CC2D2A: variants seen among roughly 807,000 people sequenced by gnomAD.
CC2D2A encodes the protein coiled-coil and C2 domain containing 2A.
In CC2D2A, 155 loss-of-function variants were observed where a neutral mutation model predicts 212.9. The ratio of observed to expected loss-of-function variants is 0.73; its 90% CI spans 0.64 to 0.83. The LOEUF (loss-of-function observed/expected upper bound fraction) is 0.83, where lower values mean the gene tolerates loss of function less well. Among genes scored for constraint, CC2D2A ranks in the 40% least tolerant of loss-of-function variants. The pLI is 0.00. For synonymous variants in CC2D2A, 667 were observed against 686.5 expected, an observed-to-expected ratio of 0.97 and a Z score of 0.44; for missense variants, 1,856 against 1,956.2, an observed-to-expected ratio of 0.95 and a Z score of 0.97.
At chr4:15,565,409 T>C (rs1719838278) in intron 24 of CC2D2A, among the ~76,000 whole-genome samples, 1 of 151,760 alleles carries the variant, frequency 6.6e-6, no homozygotes, top group South Asian at 2.1e-4. Flanking sequence ...GTTTTTTTTT[T>C]TTTTTGCCTC....
intron 5 of CC2D2A, 130 bp downstream of exon 5, chr4:15,502,647 T>A: frequency 2.9e-6 from 3 of 1,022,458 alleles, no homozygotes; most frequent in South Asian, 3.3e-5. Context: ...GTTTTAAATG[T>A]TAATGTCTTA....
In CC2D2A at chr4:15,500,051, A is replaced by T. The variant is rs1715834777; in HGVS notation, c.248-2378A>T. On this transcript the variant is annotated intron_variant, in intron 4 of 36. Transcript: ENST00000424120. The stretch of plus-strand genomic sequence containing the variant: ...TGTGTCATTATTATGGGACCATGAT[A>T]AAGTGTACTTACACAAACCTAGATT... 2.7e-5 allele frequency among the ~76,000 whole-genome samples: 4 copies of T among 150,608 alleles called. No individual in the cohort carries two copies. In the South Asian group the frequency reaches 8.4e-4, roughly 32 times the overall value.
intron 4 of CC2D2A, among the ~76,000 whole-genome samples, chr4:15,500,101 G>GTATATATATATATATA (rs1222191394): frequency 2.7e-4 from 19 of 71,114 alleles, no homozygotes; most frequent in South Asian, 1.0e-3. Flanking sequence ...GTGTGTGTGT[G>GTATATATATATATATA]TGTGTGTATA....
At chr4:15,510,046 AGCCTTTG>A (rs1716478666) in intron 6 of CC2D2A, 86 bp from the exon 7 acceptor site, 1 of 901,692 alleles carries the variant, frequency 1.1e-6, no homozygotes, top group Non-Finnish European at 1.8e-6. Flanking sequence ...TCAGAAGATA[AGCCTTTG>A]GGATGGGGGG....
chr4:15,583,352 G>T (rs927525203), intron 30 of CC2D2A, among the ~76,000 whole-genome samples: 2 of 152,128 alleles, frequency 1.3e-5, no homozygotes, highest in East Asian at 3.8e-4. Flanking sequence ...TGAGGCAAAA[G>T]AAATAAATAA....
chr4:15,597,886 G>A (rs1051307909), intron 35 of CC2D2A, among the ~76,000 whole-genome samples: 3 of 152,162 alleles, frequency 2.0e-5, no homozygotes, highest in Non-Finnish European at 4.4e-5. Context: ...TGTAAAAATA[G>A]AACTTATTCT....
At chr4:15,545,525 G>A (rs574951398) in intron 17 of CC2D2A, among the ~76,000 whole-genome samples, 27 of 152,198 alleles carry the variant, frequency 1.8e-4, no homozygotes, top group Middle Eastern at 3.4e-3. Context: ...AGATGTTAAC[G>A]ACCTTTGAAA....
At chr4:15,542,426 C>T (rs1181204639) in intron 17 of CC2D2A, among the ~76,000 whole-genome samples, 1 of 152,090 alleles carries the variant, frequency 6.6e-6, no homozygotes, top group Non-Finnish European at 1.5e-5. Context: ...ATCACTTAGG[C>T]AGAAATTTCT....
At chr4:15,487,576 CT>C (rs1374022842) in intron 4 of CC2D2A, among the ~76,000 whole-genome samples, 1 of 151,854 alleles carries the variant, frequency 6.6e-6, no homozygotes. Flanking sequence ...ATAATTGGCT[CT>C]TTTTTTCAAT....
rs886059186 is a variant in CC2D2A at position 15,601,250 on chromosome 4, C to T, written c.4688C>T (p.Pro1563Leu). Residue 1563 changes from proline (P) to leucine (L), a missense_variant, in exon 37 of 37, where the codon CCT becomes CTT. Around this residue, in one of 5 missense-constraint regions of CC2D2A, gnomAD observed 285 missense variants for 278.4 expected, o/e 1.02. Transcript: ENST00000424120. ...TTTTCCCTTCAGTTCTCTGGATTTC[C>T]TCTTCACATGCCTTATTCTGAAGTG... is the stretch of plus-strand genomic sequence containing the variant. ...QLGDYRFSGF[P>L]LHMPYSEVKP... is the part of the protein sequence containing the mutation. 6 of 1,612,522 alleles carry T rather than the reference C, an allele frequency of 3.7e-6. No homozygotes were observed. Among genetic ancestry groups the T allele is most frequent in the Non-Finnish European group, 5.1e-6 (6 of 1,179,096 alleles).
chr4:15,529,897 T>G (rs1237274069), intron 13 of CC2D2A, among the ~76,000 whole-genome samples: 1 of 148,646 alleles, frequency 6.7e-6, no homozygotes, highest in Non-Finnish European at 1.5e-5. Flanking sequence ...ATTTTATTTT[T>G]TTTAATTTTA....
intron 11 of CC2D2A, among the ~76,000 whole-genome samples, chr4:15,526,977 T>C (rs2109023595): frequency 6.6e-6 from 1 of 152,302 alleles, no homozygotes; most frequent in Admixed American, 6.5e-5. Context: ...GTTAGGTAGA[T>C]GTCCCTTGCT....
intron 6 of CC2D2A, among the ~76,000 whole-genome samples, chr4:15,505,244 T>C (rs776184108): frequency 6.6e-5 from 10 of 152,240 alleles, no homozygotes; most frequent in Non-Finnish European, 1.5e-4. Context: ...GCTTAATCTC[T>C]TTTGTATTTC....
At chr4:15,586,929 A>AT (rs1470845919) in intron 31 of CC2D2A, among the ~76,000 whole-genome samples, 1 of 152,222 alleles carries the variant, frequency 6.6e-6, no homozygotes, top group Non-Finnish European at 1.5e-5. Flanking sequence ...TCCCCAATAC[A>AT]TTTTGGCAAC....
chr4:15,548,915 T>G (rs1718853343), intron 17 of CC2D2A, among the ~76,000 whole-genome samples: 1 of 152,222 alleles, frequency 6.6e-6, no homozygotes, highest in South Asian at 2.1e-4. Context: ...GAATATATTT[T>G]GATCCTGATT....
intron 16 of CC2D2A, among the ~76,000 whole-genome samples, chr4:15,540,131 C>T (rs1031520379): frequency 6.6e-6 from 1 of 152,060 alleles, no homozygotes; most frequent in South Asian, 2.1e-4. Flanking sequence ...TACCACCCCT[C>T]CCCCAAAAAA....
At chr4:15,534,249 G>A (rs1404977269) in intron 14 of CC2D2A, among the ~76,000 whole-genome samples, 1 of 152,142 alleles carries the variant, frequency 6.6e-6, no homozygotes, top group Non-Finnish European at 1.5e-5. Context: ...GTGTATTGCA[G>A]ATATCCTCTC....
intron 1 of CC2D2A, among the ~76,000 whole-genome samples, chr4:15,473,799 C>T (rs1713993928): frequency 6.6e-6 from 1 of 152,056 alleles, no homozygotes; most frequent in African/African-American, 2.4e-5. Flanking sequence ...CCAAAACTGG[C>T]AGGATTTCTG....
At chr4:15,587,224 G>A (rs557323922) in intron 31 of CC2D2A, among the ~76,000 whole-genome samples, 31 of 152,322 alleles carry the variant, frequency 2.0e-4, no homozygotes, top group Admixed American at 7.2e-4. Context: ...GCACTCCTAT[G>A]AGAATCTAAT....
Sources: allele counts gnomAD v4.1 joint callset (sites outside exome capture counted in the v4.1 genomes callset), GRCh38; gene constraint gnomAD v4.1.1; regional missense constraint gnomAD v4.1.1; transcripts MANE v1.5; gene names NCBI Gene and HGNC (gene_info 2026-07-23, HGNC 2026-07-21).